TMPO: variants seen among roughly 807,000 people sequenced by gnomAD.
TMPO encodes thymopoietin.
TMPO carries 22 observed loss-of-function variants against 45.4 expected under a neutral mutation model. The ratio of observed to expected loss-of-function variants is 0.48; its 90% CI spans 0.35 to 0.69. TMPO has a LOEUF of 0.69. Among genes scored for constraint, TMPO ranks in the 30% least tolerant of loss-of-function variants. TMPO has a pLI of 0.01. For missense variants in TMPO, 512 were observed against 548.8 expected (o/e 0.93, Z 0.67); for synonymous variants, 241 against 204.1 (o/e 1.18, Z -1.54).
At chr12:98,529,053 T>A (rs1876993360) in intron 2 of TMPO, among the ~76,000 whole-genome samples, 1 of 139,986 alleles carries the variant, frequency 7.1e-6, no homozygotes. Flanking sequence ...CCTAGTACCC[T>A]ATTTTTTTTT....
intron 1 of TMPO, among the ~76,000 whole-genome samples, chr12:98,520,712 C>G (rs894457347): frequency 4.0e-5 from 6 of 151,852 alleles, no homozygotes; most frequent in Non-Finnish European, 8.8e-5. Flanking sequence ...CAAGCTCTGC[C>G]TAGCTGAGAC....
chr12:98,529,076 G>A (rs1266673720), intron 2 of TMPO, among the ~76,000 whole-genome samples: 3 of 146,092 alleles, frequency 2.1e-5, no homozygotes, highest in South Asian at 2.1e-4. Flanking sequence ...TTTTTGAGAC[G>A]GGGTTTCGCT....
chr12:98,515,643 C>G lies in TMPO; in HGVS notation c.-225C>G, dbSNP rs1332662277. 1.2e-6 allele frequency: 1 copy of G among 847,360 alleles called. No individual in the cohort carries two copies. The highest frequency in any genetic ancestry group is 1.8e-6 in the Non-Finnish European group (1 of 558,856). The allele number at this position is 847,360 out of a possible 1,614,324, so 52.5% of individuals were successfully genotyped here. Reference sequence around the variant, plus strand: ...GTGTGTGGGCTGGGGTTGGTGCGAGCTTCCAGCTTGGCCGCAGTTGGTTCG... The same window carrying G: ...GTGTGTGGGCTGGGGTTGGTGCGAGGTTCCAGCTTGGCCGCAGTTGGTTCG... On this transcript the variant is annotated 5_prime_UTR_variant, in exon 1 of 9. Coordinates refer to ENST00000556029, the MANE Select transcript of TMPO (RefSeq NM_001032283.3).
At chr12:98,537,364 G>A in intron 3 of TMPO, 111 bp from the exon 4 acceptor site, 1 of 859,852 alleles carries the variant, frequency 1.2e-6, no homozygotes, top group Non-Finnish European at 1.8e-6. Context: ...CAGTAGACTT[G>A]TTTTTCACCT....
Position 98,549,632 on chromosome 12 carries a change from A to G in TMPO, c.*1774A>G, listed in dbSNP as rs953949390. ...TGACTCATTTGAGTTTCAACTTTAC[A>G]GTCATTGACCATAAAGCACACTAAA... On this transcript the variant is annotated 3_prime_UTR_variant, in exon 9 of 9. Coordinates refer to ENST00000556029, the MANE Select transcript of TMPO (RefSeq NM_001032283.3). 7.9e-5 allele frequency: 12 copies of G among 152,232 alleles called. No homozygotes were observed. The highest frequency in any genetic ancestry group is 1.9e-4 in the East Asian group (1 of 5,206). 9.4% of individuals were successfully genotyped at this position (152,232 alleles called of 1,614,324 possible).
chr12:98,527,976 C>T lies in TMPO; in HGVS notation c.370C>T (p.Leu124Phe), dbSNP rs375619307. 53 of 1,613,740 alleles carry T rather than the reference C, an allele frequency of 3.3e-5. No homozygotes were observed. The highest frequency in any genetic ancestry group is 3.9e-5 in the Non-Finnish European group (46 of 1,179,868). The change falls in exon 2 of 9, where the codon CTT (leucine) becomes TTT (phenylalanine). Residue 124 changes from leucine to phenylalanine, a missense_variant. Coordinates refer to ENST00000556029, the MANE Select transcript of TMPO (RefSeq NM_001032283.3). ...CACTAATGAAGATCTTTTGGATCAG[C>T]TTGTGAAATACGGAGTGAATCCTGG... ...ELTNEDLLDQ[L>F]VKYGVNPGPI...
chr12:98,547,216 C>T (rs909572340), intron 8 of TMPO, among the ~76,000 whole-genome samples: 2 of 152,004 alleles, frequency 1.3e-5, no homozygotes, highest in Non-Finnish European at 2.9e-5. Flanking sequence ...GCTGGGATTA[C>T]AGGCACCCAC....
intron 2 of TMPO, among the ~76,000 whole-genome samples, chr12:98,529,867 C>G (rs1417668627): frequency 6.6e-6 from 1 of 152,106 alleles, no homozygotes; most frequent in Non-Finnish European, 1.5e-5. Flanking sequence ...TCTTGATCTT[C>G]TAAGTTACCT....
intron 3 of TMPO, among the ~76,000 whole-genome samples, chr12:98,536,884 G>C (rs1419919726): frequency 6.6e-6 from 1 of 152,140 alleles, no homozygotes; most frequent in African/African-American, 2.4e-5. Context: ...ATTTTTCTGT[G>C]AACAAGATTC....
In TMPO at chr12:98,548,179, A is replaced by G. The variant is rs1215850027; in HGVS notation, c.*321A>G. On this transcript the variant is annotated 3_prime_UTR_variant, in exon 9 of 9. Coordinates refer to ENST00000556029, the MANE Select transcript of TMPO (RefSeq NM_001032283.3). ...TATATGTTTTTTGTGTATTTGGGAA[A>G]CGAAGGGTGAAACATGGTAGTATAA... 4.2e-6 allele frequency: 1 copy of G among 237,268 alleles called. No individual in the cohort carries two copies. The highest frequency in any genetic ancestry group is 8.2e-6 in the Non-Finnish European group (1 of 121,634). 14.7% of individuals were successfully genotyped at this position (237,268 alleles called of 1,614,324 possible).
chr12:98,546,351 CT>C lies in TMPO; in HGVS notation c.991-6del. 6.3e-7 allele frequency: 1 copy of C among 1,591,746 alleles called. No homozygotes were observed. Among genetic ancestry groups the C allele is most frequent in the Admixed American group, 1.7e-5 (1 of 59,966 alleles). On this transcript the variant is annotated splice_polypyrimidine_tract_variant and splice_region_variant and intron_variant, in intron 7 of 8. Coordinates refer to ENST00000556029, the MANE Select transcript of TMPO (RefSeq NM_001032283.3). Reference sequence around the variant, plus strand: ...CTTGTGGTTGTTTGTTTGTCTGTTTCTTATTAGGTGGGAGAAAAAACAGAGG... The same window carrying C: ...CTTGTGGTTGTTTGTTTGTCTGTTTCTATTAGGTGGGAGAAAAAACAGAGG...
chr12:98,532,869 TC>T, intron 3 of TMPO: 1 of 1,614,186 alleles, frequency 6.2e-7, no homozygotes, highest in African/African-American at 1.3e-5. Flanking sequence ...GGGATATTGT[TC>T]CTTTTTCTGA....
chr12:98,531,546 T>C, intron 2 of TMPO, 134 bp from the exon 3 acceptor site: 2 of 952,124 alleles, frequency 2.1e-6, no homozygotes, highest in Non-Finnish European at 3.2e-6. Context: ...CATTATATGG[T>C]ATTTTTTTTT....
intron 4 of TMPO, 144 bp downstream of exon 4, chr12:98,537,716 T>C (rs1457233263): frequency 3.9e-6 from 3 of 775,702 alleles, no homozygotes; most frequent in Non-Finnish European, 6.6e-6. Flanking sequence ...ACTAAAAATC[T>C]AAACTTTGTG....
intron 1 of TMPO, among the ~76,000 whole-genome samples, chr12:98,521,402 G>A (rs547730829): frequency 2.2e-4 from 33 of 151,866 alleles, no homozygotes; most frequent in South Asian, 8.3e-4. Context: ...GTGAGCCACC[G>A]TGCCCAGCCT....
intron 3 of TMPO, among the ~76,000 whole-genome samples, chr12:98,537,031 C>A (rs11109521): frequency 0.22 from 32,970 of 152,070 alleles, 4,626 homozygotes; most frequent in Non-Finnish European, 0.31. Flanking sequence ...ACTTTCCCTT[C>A]TATGTTCCAA....
intron 4 of TMPO, 134 bp downstream of exon 4, chr12:98,537,706 A>T (rs1877659572): frequency 3.8e-6 from 3 of 792,362 alleles, no homozygotes; most frequent in Non-Finnish European, 6.4e-6. Flanking sequence ...GTTAAATGAT[A>T]CTAAAAATCT....
In TMPO at chr12:98,532,150, A is replaced by G. The variant is rs1004722588; in HGVS notation, c.565+312A>G. ...AAGTTTCTCGTACTTACCTGTACCT[A>G]TCACCTCCACAGAAGTAACTACTAT... On this transcript the variant is annotated intron_variant, in intron 3 of 8. Transcript: ENST00000556029. The G allele has an allele frequency of 3.0e-5, 8 of 268,374 alleles. No homozygotes were observed. The South Asian group carries it at 3.2e-4, about 11-fold the overall frequency. The allele number at this position is 268,374 out of a possible 1,614,324, so 16.6% of individuals were successfully genotyped here. A position where few individuals can be genotyped will look rare whatever the true frequency, so the allele number is the denominator to read the frequency against.
chr12:98,520,867 C>T (rs772237410), intron 1 of TMPO, among the ~76,000 whole-genome samples: 12 of 152,036 alleles, frequency 7.9e-5, no homozygotes, highest in South Asian at 2.1e-4. Flanking sequence ...CCACCGCTCC[C>T]GGCCTCCAGG....
Sources: allele counts gnomAD v4.1 joint callset (sites outside exome capture counted in the v4.1 genomes callset), GRCh38; gene constraint gnomAD v4.1.1; transcripts MANE v1.5; gene names NCBI Gene and HGNC (gene_info 2026-07-23, HGNC 2026-07-21).